The following PBLD variants were observed in gnomAD, a reference collection of about 807,000 sequenced individuals.
PBLD encodes phenazine biosynthesis like protein domain containing.
Under a neutral mutation model 31.3 loss-of-function variants are expected in PBLD, and 26 were observed. The observed-to-expected ratio is 0.83, with a 90% confidence interval of 0.61 to 1.15. The LOEUF (loss-of-function observed/expected upper bound fraction) is 1.15. PBLD is among the 50% of genes most tolerant of loss of function. The probability of loss-of-function intolerance (pLI) is 0.00; values close to 1 mark genes in which losing one functional copy is unlikely to be tolerated. For synonymous variants in PBLD, 114 were observed against 129.0 expected (o/e 0.88, Z 0.79); for missense variants, 307 against 351.7 (o/e 0.87, Z 1.02).
At chr10:68,322,111 T>C (rs1245185021) in intron 1 of PBLD, among the ~76,000 whole-genome samples, 1 of 152,156 alleles carries the variant, frequency 6.6e-6, no homozygotes, top group Non-Finnish European at 1.5e-5. Flanking sequence ...TAAAGAGTCA[T>C]GTTATTACCA....
At chr10:68,297,413 T>C (rs1389208028) in intron 2 of PBLD, among the ~76,000 whole-genome samples, 3 of 152,184 alleles carry the variant, frequency 2.0e-5, no homozygotes, top group Non-Finnish European at 4.4e-5. Flanking sequence ...TTCACTCTCT[T>C]TCATGGGAAG....
intron 1 of PBLD, among the ~76,000 whole-genome samples, chr10:68,325,447 C>T (rs1210024043): frequency 2.0e-5 from 3 of 152,098 alleles, no homozygotes; most frequent in Non-Finnish European, 4.4e-5. Flanking sequence ...TGCCTGTAGT[C>T]CCAGCTACTC....
At chr10:68,294,656 G>A (rs948097436) in intron 4 of PBLD, among the ~76,000 whole-genome samples, 1 of 152,198 alleles carries the variant, frequency 6.6e-6, no homozygotes, top group African/African-American at 2.4e-5. Flanking sequence ...AGCTCCCCAC[G>A]GATTTGGCCT....
At chr10:68,319,927 G>T (rs1385353264) in intron 1 of PBLD, among the ~76,000 whole-genome samples, 1 of 151,338 alleles carries the variant, frequency 6.6e-6, no homozygotes, top group Non-Finnish European at 1.5e-5. Flanking sequence ...AGGTTCAAGC[G>T]ATTCTCCTGC....
chr10:68,327,673 C>CA (rs35759039), intron 1 of PBLD, among the ~76,000 whole-genome samples: 27,013 of 68,366 alleles, frequency 0.4, 4,450 homozygotes, highest in Non-Finnish European at 0.47. Context: ...GACTCCACCT[C>CA]AAAAAAAAAA....
In PBLD at chr10:68,285,357, C is replaced by G. The variant is rs148493619; in HGVS notation, c.745G>C (p.Glu249Gln). 4.8e-5 allele frequency: 78 copies of G among 1,613,976 alleles called. No individual in the cohort carries two copies. The highest frequency in any genetic ancestry group is 1.7e-5 in the Admixed American group (1 of 59,984). Residue 249 changes from glutamate to glutamine, a missense_variant, in exon 9 of 10, where the codon GAA becomes CAA. Glu to Gln is a conservative substitution (Grantham distance 29, BLOSUM62 2). Transcript: ENST00000358769. ...TAAAGAGCTGTCCTACCATGCATTT[C>G]TTTCTTCCCCAGATGCTGGGACCAG... ...SYWSQHLGKKEMHAFQCSHRG... is the reference protein window; with the variant it reads ...SYWSQHLGKKQMHAFQCSHRG...
intron 2 of PBLD, among the ~76,000 whole-genome samples, chr10:68,303,111 T>C (rs1485538635): frequency 6.6e-6 from 1 of 151,898 alleles, no homozygotes; most frequent in Non-Finnish European, 1.5e-5. Flanking sequence ...TTTCACTCTG[T>C]CGCCCAGGCT....
Position 68,297,095 on chromosome 10 carries a change from C to T in PBLD, c.85-110G>A, listed in dbSNP as rs765025609. 3.0e-4 allele frequency: 248 copies of T among 840,336 alleles called. 1 individual carries two copies. Among genetic ancestry groups the T allele is most frequent in the Middle Eastern group, 9.2e-4 (4 of 4,358 alleles). The allele number at this position is 840,336 out of a possible 1,614,324, so 52.1% of individuals were successfully genotyped here. A position where few individuals can be genotyped will look rare whatever the true frequency, so the allele number is the denominator to read the frequency against. On this transcript the variant is annotated intron_variant, in intron 2 of 9. Transcript: ENST00000358769. ...CAGTTTAGCAATAATAAGAGTTACA[C>T]GCTTAAAAGGAAATAATTACCAAGG...
intron 1 of PBLD, among the ~76,000 whole-genome samples, chr10:68,316,197 A>G (rs913943079): frequency 6.6e-6 from 1 of 152,218 alleles, no homozygotes; most frequent in Admixed American, 6.5e-5. Flanking sequence ...CTGTAGTTAA[A>G]TATGTTCCAA....
intron 4 of PBLD, among the ~76,000 whole-genome samples, chr10:68,295,091 T>C (rs2044407262): frequency 6.6e-6 from 1 of 152,164 alleles, no homozygotes. Flanking sequence ...TCTTTGTCCA[T>C]TAAACTAAAT....
Position 68,306,831 on chromosome 10 carries a change from A to G in PBLD, c.14T>C (p.Ile5Thr). The change falls in exon 2 of 10, where the codon ATT becomes ACT. Residue 5 changes from isoleucine (I) to threonine (T), a missense_variant. Coordinates refer to ENST00000358769, the MANE Select transcript of PBLD (RefSeq NM_022129.4). MKLP[I>T]FIADAFTARA... Reference sequence around the variant, plus strand: ...TGCTGTGAATGCATCTGCTATGAAAATAGGAAGCTTCATTTTCCTTGCAAG... The same window carrying G: ...TGCTGTGAATGCATCTGCTATGAAAGTAGGAAGCTTCATTTTCCTTGCAAG... 1 of 1,608,474 alleles carries G rather than the reference A, an allele frequency of 6.2e-7. No individual in the cohort carries two copies. Among genetic ancestry groups the G allele is most frequent in the Non-Finnish European group, 8.5e-7 (1 of 1,175,900 alleles).
intron 1 of PBLD, among the ~76,000 whole-genome samples, chr10:68,312,769 C>T (rs1391736956): frequency 6.6e-6 from 1 of 151,286 alleles, no homozygotes; most frequent in Non-Finnish European, 1.5e-5. Flanking sequence ...GCCACCATGG[C>T]CTGGCTAATT....
intron 4 of PBLD, 81 bp from the exon 5 acceptor site, chr10:68,292,319 C>T: frequency 8.3e-7 from 1 of 1,207,784 alleles, no homozygotes; most frequent in Non-Finnish European, 1.2e-6. Flanking sequence ...TTTGCATTGT[C>T]TTAGATTTTC....
chr10:68,295,579 G>A (rs1485077834), intron 4 of PBLD, among the ~76,000 whole-genome samples: 1 of 151,966 alleles, frequency 6.6e-6, no homozygotes, highest in East Asian at 1.9e-4. Context: ...GGAGTGAAAT[G>A]TTCCTGTTGA....
At chr10:68,318,375 TAAAA>T (rs34722771) in intron 1 of PBLD, among the ~76,000 whole-genome samples, 4 of 51,270 alleles carry the variant, frequency 7.8e-5, no homozygotes, top group Non-Finnish European at 1.3e-4. Context: ...CTGCCTCTAT[TAAAA>T]AAAAAAAAAA....
At chr10:68,314,433 T>C (rs1294669999) in intron 1 of PBLD, among the ~76,000 whole-genome samples, 1 of 152,124 alleles carries the variant, frequency 6.6e-6, no homozygotes, top group Non-Finnish European at 1.5e-5. Flanking sequence ...GTTGATACTC[T>C]CTCCCCAGCT....
At chr10:68,285,726 G>A (rs930805868) in intron 8 of PBLD, among the ~76,000 whole-genome samples, 2 of 150,774 alleles carry the variant, frequency 1.3e-5, no homozygotes, top group African/African-American at 4.9e-5. Context: ...TTGTCCAGCT[G>A]GGAGTGCAGT....
chr10:68,296,837 C>A, intron 3 of PBLD, 49 bp downstream of exon 3: 2 of 1,491,594 alleles, frequency 1.3e-6, no homozygotes, highest in South Asian at 2.3e-5. Flanking sequence ...CCACTGCACT[C>A]CAGCCCGTGC....
chr10:68,288,457 C>G, intron 8 of PBLD, 26 bp downstream of exon 8: 1 of 1,606,840 alleles, frequency 6.2e-7, no homozygotes, highest in African/African-American at 1.3e-5. Context: ...TTGTTTAACC[C>G]TCCCCTGGGC....
Sources: allele counts gnomAD v4.1 joint callset (sites outside exome capture counted in the v4.1 genomes callset), GRCh38; gene constraint gnomAD v4.1.1; transcripts MANE v1.5; gene names NCBI Gene and HGNC (gene_info 2026-07-23, HGNC 2026-07-21).